The following SPMIP2 variants were observed in gnomAD, a reference collection of about 807,000 sequenced individuals.
SPMIP2 encodes protein SPMIP2.
the SPMIP2 span, among the ~76,000 whole-genome samples, chr4:158,957,111 T>C: frequency 6.6e-6 from 1 of 152,110 alleles, no homozygotes; most frequent in Non-Finnish European, 1.5e-5. Flanking sequence ...CTGATCTTTC[T>C]ATAGCTGTTC....
At chr4:158,918,992 C>T in the SPMIP2 span, among the ~76,000 whole-genome samples, 44 of 152,242 alleles carry the variant, frequency 2.9e-4, no homozygotes, top group Non-Finnish European at 5.4e-4. Flanking sequence ...AGATACTTTT[C>T]GTTTTTGTTG....
At chr4:159,064,878 T>C in the SPMIP2 span, among the ~76,000 whole-genome samples, 2 of 152,212 alleles carry the variant, frequency 1.3e-5, no homozygotes, top group African/African-American at 4.8e-5. Context: ...AGAATACACA[T>C]GTGTATTGAG....
chr4:159,038,018 G>A, the SPMIP2 span, among the ~76,000 whole-genome samples: 1 of 150,988 alleles, frequency 6.6e-6, no homozygotes, highest in African/African-American at 2.4e-5. Flanking sequence ...GCTGCAAAAT[G>A]CATTTACCAG....
the SPMIP2 span, among the ~76,000 whole-genome samples, chr4:158,994,373 C>CTT: frequency 6.6e-6 from 1 of 152,168 alleles, no homozygotes; most frequent in Admixed American, 6.5e-5. Flanking sequence ...ACTTAATTTC[C>CTT]AGAACTGCCT....
the SPMIP2 span, among the ~76,000 whole-genome samples, chr4:159,052,429 G>T: frequency 6.6e-6 from 1 of 151,824 alleles, no homozygotes; most frequent in Non-Finnish European, 1.5e-5. Context: ...CCCTGCACAC[G>T]GTAAAAAAGA....
chr4:158,942,460 A>G, the SPMIP2 span, among the ~76,000 whole-genome samples: 5 of 152,160 alleles, frequency 3.3e-5, no homozygotes, highest in Non-Finnish European at 7.4e-5. Context: ...AGCATCGAGC[A>G]TTGTATCAGC....
At chr4:159,005,660 G>GA in the SPMIP2 span, among the ~76,000 whole-genome samples, 1 of 151,972 alleles carries the variant, frequency 6.6e-6, no homozygotes, top group Non-Finnish European at 1.5e-5. Flanking sequence ...TAGTACAAAA[G>GA]AAAAAATGTA....
chr4:158,950,046 C>T, the SPMIP2 span, among the ~76,000 whole-genome samples: 2 of 152,286 alleles, frequency 1.3e-5, no homozygotes, highest in South Asian at 2.1e-4. Flanking sequence ...CTCTTGACCC[C>T]GAACCCCATC....
chr4:158,913,933 G>A, the SPMIP2 span, among the ~76,000 whole-genome samples: 5 of 151,900 alleles, frequency 3.3e-5, no homozygotes, highest in East Asian at 3.8e-4. Context: ...GGAAGAAAGC[G>A]AACATAAAAG....
At chr4:159,022,254 G>A in the SPMIP2 span, among the ~76,000 whole-genome samples, 3 of 152,058 alleles carry the variant, frequency 2.0e-5, no homozygotes, top group Non-Finnish European at 4.4e-5. Flanking sequence ...AACTTTTGAC[G>A]ACTTACATTC....
chr4:158,932,224 G>C, the SPMIP2 span, among the ~76,000 whole-genome samples: 1 of 152,148 alleles, frequency 6.6e-6, no homozygotes. Flanking sequence ...TTCAAGAATT[G>C]TATGTCAAAG....
chr4:158,909,675 A>G, the SPMIP2 span, among the ~76,000 whole-genome samples: 1 of 151,526 alleles, frequency 6.6e-6, no homozygotes, highest in Non-Finnish European at 1.5e-5. Context: ...TCTGGCCTCA[A>G]GTATCCTCCT....
At chr4:158,897,264 C>G in the SPMIP2 span, among the ~76,000 whole-genome samples, 1 of 152,096 alleles carries the variant, frequency 6.6e-6, no homozygotes, top group African/African-American at 2.4e-5. Flanking sequence ...CGGTTGGTTC[C>G]AAGTCTTTGC....
At chr4:158,919,468 C>T in the SPMIP2 span, among the ~76,000 whole-genome samples, 5 of 152,158 alleles carry the variant, frequency 3.3e-5, no homozygotes, top group Non-Finnish European at 5.9e-5. Context: ...TATGTTTCCT[C>T]TTGGTTAGAT....
At chr4:159,020,742 C>T in the SPMIP2 span, among the ~76,000 whole-genome samples, 2 of 152,266 alleles carry the variant, frequency 1.3e-5, no homozygotes, top group Middle Eastern at 3.4e-3. Flanking sequence ...GGCACTCTGA[C>T]GTTCTTTTTT....
At chr4:158,904,826 T>C in the SPMIP2 span, 3 of 383,012 alleles carry the variant, frequency 7.8e-6, no homozygotes, top group Non-Finnish European at 1.5e-5. Flanking sequence ...ACATAAGCAC[T>C]AAACACTAAG....
At chr4:158,990,315 G>A in the SPMIP2 span, among the ~76,000 whole-genome samples, 3 of 152,208 alleles carry the variant, frequency 2.0e-5, no homozygotes. Context: ...GGAAGACAGT[G>A]TGGCAATTCT....
chr4:158,945,968 C>G, the SPMIP2 span, among the ~76,000 whole-genome samples: 1 of 152,090 alleles, frequency 6.6e-6, no homozygotes, highest in Admixed American at 6.5e-5. Context: ...TTGTTAGGTC[C>G]AGGAGCTGTT....
the SPMIP2 span, among the ~76,000 whole-genome samples, chr4:158,909,900 G>A: frequency 2.8e-3 from 424 of 152,288 alleles, 3 homozygotes; most frequent in African/African-American, 9.7e-3. Flanking sequence ...ACATTAGCCG[G>A]CCGTGGTGGC....
Sources: gnomAD v4.1 joint callset for allele counts (sites outside exome capture counted in the v4.1 genomes callset) on GRCh38, gnomAD v4.1.1 for gene constraint, MANE v1.5 for transcripts, NCBI Gene and HGNC (gene_info 2026-07-23, HGNC 2026-07-21) for gene names.